NFAT5: variants seen among roughly 807,000 people sequenced by gnomAD.
NFAT5 encodes nuclear factor of activated T-cells 5.
NFAT5 carries 31 observed loss-of-function variants against 166.5 expected under a neutral mutation model. That is an observed-to-expected ratio of 0.19 (90% CI 0.14 to 0.25). NFAT5 has a LOEUF of 0.25. Ranked by LOEUF, NFAT5 falls within the 10% of genes least tolerant of loss-of-function variation. The pLI, the probability that NFAT5 is intolerant of heterozygous loss-of-function variation, is 1.00. For missense variants in NFAT5, 1,449 were observed against 1,821.8 expected (o/e 0.80, Z 3.72); for synonymous variants, 612 against 639.7 (o/e 0.96, Z 0.65).
At chr16:69,668,578 G>A (rs2036497065) in intron 7 of NFAT5, among the ~76,000 whole-genome samples, 1 of 152,140 alleles carries the variant, frequency 6.6e-6, no homozygotes, top group Admixed American at 6.5e-5. Flanking sequence ...GTGCATCAGA[G>A]TTTCAAAAAG....
chr16:69,621,417 C>T (rs1332180530), intron 2 of NFAT5, among the ~76,000 whole-genome samples: 2 of 152,118 alleles, frequency 1.3e-5, no homozygotes, highest in African/African-American at 2.4e-5. Flanking sequence ...TATCCCTTCT[C>T]TCTCACTTTC....
At chr16:69,677,807 A>T (rs984550865) in intron 10 of NFAT5, among the ~76,000 whole-genome samples, 13 of 152,156 alleles carry the variant, frequency 8.5e-5, no homozygotes, top group African/African-American at 3.1e-4. Context: ...TTCTTTCTAT[A>T]TTGCCCCATA....
chr16:69,629,455 A>G (rs943067398), intron 3 of NFAT5, among the ~76,000 whole-genome samples: 24 of 152,066 alleles, frequency 1.6e-4, no homozygotes, highest in African/African-American at 5.8e-4. Context: ...CTTCTACACA[A>G]TTCATACTTT....
At chr16:69,617,188 C>G (rs537524031) in intron 2 of NFAT5, among the ~76,000 whole-genome samples, 2 of 151,966 alleles carry the variant, frequency 1.3e-5, no homozygotes, top group African/African-American at 2.4e-5. Context: ...GTGATCCGCC[C>G]GCCTCGGCCT....
chr16:69,649,957 A>G (rs912267718), intron 4 of NFAT5, among the ~76,000 whole-genome samples: 1 of 151,820 alleles, frequency 6.6e-6, no homozygotes, highest in Non-Finnish European at 1.5e-5. Context: ...TAATAAGAGA[A>G]TAAAACCATT....
intron 7 of NFAT5, among the ~76,000 whole-genome samples, chr16:69,668,287 C>T (rs2036486181): frequency 6.6e-6 from 1 of 152,168 alleles, no homozygotes; most frequent in Non-Finnish European, 1.5e-5. Context: ...CTCACCCGGC[C>T]AGTGTATTTG....
intron 2 of NFAT5, among the ~76,000 whole-genome samples, chr16:69,619,443 G>A (rs1358188767): frequency 6.6e-6 from 1 of 152,060 alleles, no homozygotes; most frequent in Non-Finnish European, 1.5e-5. Flanking sequence ...AAAGGAAGCC[G>A]CTGTCCTAAA....
At position 69,566,488 on chromosome 16, in the gene NFAT5, C is replaced by T. The variant is rs2016045010; in HGVS notation, c.73+114C>T. ...CGCCGGGGGCGGCTGAGCCGCGACCCCCATGGCTTCTTTGGCCGGAGCGGG... is the reference window on the plus strand; with the variant it reads ...CGCCGGGGGCGGCTGAGCCGCGACCTCCATGGCTTCTTTGGCCGGAGCGGG... On this transcript the variant is annotated intron_variant, in intron 1 of 14. Transcript: ENST00000349945. The surrounding 1 kb of genome is among the most constrained non-coding windows in gnomAD (Gnocchi z 5.7). The T allele has an allele frequency of 1.1e-6, 1 of 892,966 alleles. No individual in the cohort carries two copies. Among genetic ancestry groups the T allele is most frequent in the Non-Finnish European group, 1.8e-6 (1 of 560,682 alleles). 55.3% of individuals were successfully genotyped at this position (892,966 alleles called of 1,614,324 possible).
chr16:69,597,668 C>T lies in NFAT5; in HGVS notation c.128-28735C>T, dbSNP rs148943216. On this transcript the variant is annotated intron_variant, in intron 2 of 14. Coordinates refer to ENST00000349945, the MANE Select transcript of NFAT5 (RefSeq NM_138713.4). ...GTGCAGTGGCGCGATCTCAGCTCAC[C>T]GCAAGCTCTGCCTCCTGGGTTCACA... is the stretch of plus-strand genomic sequence containing the variant. Among the ~76,000 whole-genome samples, 38 of 151,942 alleles carry T rather than the reference C, an allele frequency of 2.5e-4. No individual in the cohort carries two copies. The East Asian group carries it at 5.8e-3, about 23-fold the overall frequency.
At chr16:69,661,009 C>T (rs1191232048) in intron 7 of NFAT5, among the ~76,000 whole-genome samples, 3 of 151,132 alleles carry the variant, frequency 2.0e-5, no homozygotes, top group African/African-American at 7.3e-5. Flanking sequence ...GGGGTTTCAC[C>T]CTGTTGGCCA....
chr16:69,605,451 A>T (rs1200057133), intron 2 of NFAT5, among the ~76,000 whole-genome samples: 1 of 152,222 alleles, frequency 6.6e-6, no homozygotes, highest in Non-Finnish European at 1.5e-5. Context: ...AAGAAAATAG[A>T]AAAGTAGTAT....
In NFAT5 at chr16:69,569,284, C is replaced by G. The variant is rs576730321; in HGVS notation, c.127+736C>G. On this transcript the variant is annotated intron_variant, in intron 2 of 14. Coordinates refer to ENST00000349945, the MANE Select transcript of NFAT5 (RefSeq NM_138713.4). ...TTGGACAGCAAAGGTACTAATTTCC[C>G]CATTGTAGAGAAGAGAAACTAAGGC... is the stretch of plus-strand genomic sequence containing the variant. Among the ~76,000 whole-genome samples the G allele has an allele frequency of 6.7e-5, 10 of 150,176 alleles. No individual in the cohort carries two copies. In the East Asian group the frequency reaches 1.9e-3, roughly 29 times the overall value.
intron 4 of NFAT5, 118 bp from the exon 5 acceptor site, chr16:69,653,118 T>C (rs2035743039): frequency 1.7e-6 from 1 of 601,770 alleles, no homozygotes; most frequent in African/African-American, 2.0e-5. Context: ...GCCAGCAAGC[T>C]GAATAGTTGT....
chr16:69,694,843 A>T (rs1467791929), intron 13 of NFAT5, among the ~76,000 whole-genome samples: 1 of 152,238 alleles, frequency 6.6e-6, no homozygotes, highest in African/African-American at 2.4e-5. Context: ...CTCATCTTTA[A>T]TGTTTATATA....
chr16:69,611,914 G>A (rs1168010053), intron 2 of NFAT5, among the ~76,000 whole-genome samples: 1 of 152,170 alleles, frequency 6.6e-6, no homozygotes, highest in Non-Finnish European at 1.5e-5. Context: ...CTGTTTTGTT[G>A]TTGATGTATC....
intron 3 of NFAT5, among the ~76,000 whole-genome samples, chr16:69,638,334 C>T (rs937367143): frequency 2.0e-5 from 3 of 152,190 alleles, no homozygotes; most frequent in Non-Finnish European, 2.9e-5. Context: ...TTGGATCTAA[C>T]GTACACTTTA....
chr16:69,673,769 A>G (rs1226164444), intron 9 of NFAT5, among the ~76,000 whole-genome samples: 1 of 152,142 alleles, frequency 6.6e-6, no homozygotes, highest in Non-Finnish European at 1.5e-5. Context: ...GTAAAGAAAT[A>G]TTAGGCCTAC....
At position 69,647,467 on chromosome 16, in the gene NFAT5, A is replaced by G. The variant is rs143392508; in HGVS notation, c.693A>G (p.Lys231=). Residue 231 remains lysine (K), a synonymous_variant, in exon 4 of 15, where the codon AAA becomes AAG. Coordinates refer to ENST00000349945, the MANE Select transcript of NFAT5 (RefSeq NM_138713.4). The surrounding 1 kb of genome is among the most constrained non-coding windows in gnomAD (Gnocchi z 4.8). ...KRNPKQRPGV[K]RRDCEESNMD... ...ATCCAAAGCAGAGGCCGGGGGTCAA[A>G]CGACGAGATTGTGAAGAATCTAATA... 987 of 1,613,962 alleles carry G rather than the reference A, an allele frequency of 6.1e-4. 5 individuals carry two copies. The Middle Eastern group carries it at 9.4e-3, about 15-fold the overall frequency.
chr16:69,655,447 A>G (rs2304526), intron 5 of NFAT5, among the ~76,000 whole-genome samples, 162 bp from the exon 6 acceptor site: 24,609 of 151,894 alleles, frequency 0.16, 2,172 homozygotes, highest in East Asian at 0.37. Context: ...AATTTAGCCA[A>G]CTCTTTTATG....
Sources: gnomAD v4.1 joint callset for allele counts (sites outside exome capture counted in the v4.1 genomes callset) on GRCh38, gnomAD v4.1.1 for gene constraint, Gnocchi (gnomAD v3.1) non-coding constraint, MANE v1.5 for transcripts, NCBI Gene and HGNC (gene_info 2026-07-23, HGNC 2026-07-21) for gene names.